Variants in PRICKLE2 observed in about 807,000 individuals in gnomAD.
The protein encoded by PRICKLE2 is prickle-like protein 2.
PRICKLE2 carries 21 observed loss-of-function variants against 81.4 expected under a neutral mutation model. The observed-to-expected ratio is 0.26, with a 90% confidence interval of 0.18 to 0.37. The LOEUF (loss-of-function observed/expected upper bound fraction) is 0.37, where lower values mean the gene tolerates loss of function less well. Ranked by LOEUF, PRICKLE2 falls within the 10% of genes least tolerant of loss-of-function variation. PRICKLE2 has a pLI of 1.00. For synonymous variants in PRICKLE2, 456 were observed against 421.5 expected (o/e 1.08, Z -1.00); for missense variants, 940 against 1,109.0 (o/e 0.85, Z 2.16).
chr3:64,146,931 G>A lies in PRICKLE2; in HGVS notation c.1559C>T (p.Thr520Ile), dbSNP rs1482434429. ...TTTCAGGGAACTGATGGGATGACGG[G>A]TCCGACACTGCTGAGTGGACAAGCC... ...EGGLSTQQCR[T>I]RHPISSLKYT... Residue 520 changes from threonine (T) to isoleucine (I), a missense_variant, in exon 7 of 8, where the codon ACC becomes ATC. By Grantham distance (89) the Thr-to-Ile change is moderately conservative (BLOSUM62 -1). Transcript: ENST00000638394. 3 of 1,614,120 alleles carry A rather than the reference G, an allele frequency of 1.9e-6. No individual in the cohort carries two copies. The highest frequency in any genetic ancestry group is 1.1e-5 in the South Asian group (1 of 91,070).
intron 7 of PRICKLE2, among the ~76,000 whole-genome samples, chr3:64,126,779 C>T (rs540148709): frequency 6.6e-6 from 1 of 152,158 alleles, no homozygotes; most frequent in African/African-American, 2.4e-5. Context: ...GGTTTCACCA[C>T]GTTGGCCAGA....
At chr3:64,107,855 A>G (rs570926522) in intron 7 of PRICKLE2, among the ~76,000 whole-genome samples, 91 of 152,340 alleles carry the variant, frequency 6.0e-4, no homozygotes, top group African/African-American at 2.0e-3. Flanking sequence ...TCTGTGCAGT[A>G]AAGGAAATAG....
intron 2 of PRICKLE2, among the ~76,000 whole-genome samples, chr3:64,164,408 T>C (rs1458003179): frequency 9.9e-5 from 15 of 152,180 alleles, no homozygotes; most frequent in Non-Finnish European, 1.5e-5. Flanking sequence ...CTTGGTCTAA[T>C]TCCTTTGCAT....
At chr3:64,155,142 C>A (rs1196417344) in intron 5 of PRICKLE2, 8 of 82,584 alleles carry the variant, frequency 9.7e-5, no homozygotes, top group African/African-American at 3.2e-4. Context: ...GAGTGAGACT[C>A]TGTCTTAAAA....
chr3:64,187,177 G>A (rs527472977), intron 2 of PRICKLE2, among the ~76,000 whole-genome samples: 1 of 152,290 alleles, frequency 6.6e-6, no homozygotes, highest in African/African-American at 2.4e-5. Flanking sequence ...CCTGAAGCCT[G>A]GGAACCCAGG....
intron 1 of PRICKLE2, among the ~76,000 whole-genome samples, chr3:64,208,386 T>C (rs1226803691): frequency 6.6e-6 from 1 of 152,170 alleles, no homozygotes; most frequent in Non-Finnish European, 1.5e-5. Flanking sequence ...ACACAGGGCT[T>C]CAGCTCCTAC....
intron 1 of PRICKLE2, among the ~76,000 whole-genome samples, chr3:64,208,418 G>A (rs1347347669): frequency 6.6e-6 from 1 of 152,156 alleles, no homozygotes; most frequent in Admixed American, 6.5e-5. Flanking sequence ...CTCGCAAAAG[G>A]GGTAAGCGGA....
chr3:64,196,916 C>T (rs2078465341), intron 2 of PRICKLE2, among the ~76,000 whole-genome samples: 1 of 152,184 alleles, frequency 6.6e-6, no homozygotes, highest in Admixed American at 6.5e-5. Context: ...AAGACATAAA[C>T]TTTTACATGA....
intron 7 of PRICKLE2, among the ~76,000 whole-genome samples, chr3:64,142,663 G>A (rs2077382266): frequency 6.6e-6 from 1 of 152,166 alleles, no homozygotes; most frequent in African/African-American, 2.4e-5. Context: ...CTGGTGGATG[G>A]TGGGAGAAGT....
At chr3:64,208,877 TC>T (rs1038348686) in intron 1 of PRICKLE2, among the ~76,000 whole-genome samples, 4 of 152,144 alleles carry the variant, frequency 2.6e-5, no homozygotes, top group African/African-American at 9.7e-5. Flanking sequence ...GTCAAAATAT[TC>T]CTTCTCTTAT....
rs150903146 is a variant in PRICKLE2, at chr3:64,112,944, C to T, written c.1661-13019G>A. On this transcript the variant is annotated intron_variant, in intron 7 of 7. Coordinates refer to ENST00000638394, the MANE Select transcript of PRICKLE2 (RefSeq NM_198859.4). ...TTTTAACAGATCTTCAGAAGGAGGG[C>T]ACTGAGAATGGATGGAGGCAAGACA... Among the ~76,000 whole-genome samples the T allele has an allele frequency of 4.0e-4, 59 of 147,676 alleles. 1 individual carries two copies. Among genetic ancestry groups the T allele is most frequent in the African/African-American group, 1.5e-3 (58 of 39,880 alleles).
intron 7 of PRICKLE2, among the ~76,000 whole-genome samples, chr3:64,140,518 C>A (rs1217704853): frequency 1.3e-5 from 2 of 152,184 alleles, no homozygotes; most frequent in East Asian, 3.9e-4. Flanking sequence ...TCCACACCAG[C>A]ATCCTTCACC....
At chr3:64,149,372 T>C (rs1056031678) in intron 6 of PRICKLE2, among the ~76,000 whole-genome samples, 1 of 152,204 alleles carries the variant, frequency 6.6e-6, no homozygotes, top group Non-Finnish European at 1.5e-5. Context: ...ACACCTCTCA[T>C]TGCTTTTTCT....
chr3:64,158,162 G>T lies in PRICKLE2; in HGVS notation c.397-797C>A, dbSNP rs924362830. 7.2e-5 allele frequency among the ~76,000 whole-genome samples: 11 copies of T among 152,340 alleles called. No individual in the cohort carries two copies. The East Asian group carries it at 1.2e-3, about 16-fold the overall frequency. Reference sequence around the variant, plus strand: ...TAGGGAGATGCTTCTGCTGACCATGGCATGGGCCTTGAGGTTCACAGGTTG... The same window carrying T: ...TAGGGAGATGCTTCTGCTGACCATGTCATGGGCCTTGAGGTTCACAGGTTG... On this transcript the variant is annotated intron_variant, in intron 4 of 7. Transcript: ENST00000638394.
At chr3:64,140,556 C>T (rs1000748453) in intron 7 of PRICKLE2, among the ~76,000 whole-genome samples, 1 of 152,182 alleles carries the variant, frequency 6.6e-6, no homozygotes, top group African/African-American at 2.4e-5. Flanking sequence ...CTCCAGTTGT[C>T]CTGTGGTGTG....
At chr3:64,251,589 C>T (rs541288681) in intron 2 of PRICKLE2, among the ~76,000 whole-genome samples, 4 of 152,290 alleles carry the variant, frequency 2.6e-5, no homozygotes, top group Admixed American at 2.6e-4. Context: ...TTCCCCTTCA[C>T]ATATTGGTCA....
chr3:64,189,770 G>T (rs933438160), intron 2 of PRICKLE2, among the ~76,000 whole-genome samples: 7 of 152,210 alleles, frequency 4.6e-5, no homozygotes, highest in Non-Finnish European at 1.0e-4. Flanking sequence ...TCACATTTTG[G>T]AAGGTAGTAT....
Position 64,099,295 on chromosome 3 carries a change from C to T in PRICKLE2, c.2291G>A (p.Arg764His). The change falls in exon 8 of 8, where the codon CGC becomes CAC. Residue 764 changes from arginine (R) to histidine (H), a missense_variant. Physicochemically the swap from Arg to His is conservative, Grantham distance 29. Coordinates refer to ENST00000638394, the MANE Select transcript of PRICKLE2 (RefSeq NM_198859.4). The surrounding 1 kb of genome is among the most constrained non-coding windows in gnomAD (Gnocchi z 4.3). Reference sequence around the variant, plus strand: ...ATACTCGGCGAAGTAGGGTCCCCAGCGGTCCCCAAAGGCATTCTGCAAAGC... The same window carrying T: ...ATACTCGGCGAAGTAGGGTCCCCAGTGGTCCCCAAAGGCATTCTGCAAAGC... ...DLALQNAFGD[R>H]WGPYFAEYDW... 2 of 1,614,214 alleles carry T rather than the reference C, an allele frequency of 1.2e-6. No individual in the cohort carries two copies. The highest frequency in any genetic ancestry group is 1.3e-5 in the African/African-American group (1 of 75,058).
At chr3:64,225,686 A>T (rs2079021611), upstream of PRICKLE2, among the ~76,000 whole-genome samples, 1 of 152,130 alleles carries the variant, frequency 6.6e-6, no homozygotes, top group African/African-American at 2.4e-5. Context: ...AAAATCACAT[A>T]TAAGAAGAGA....
Sources: allele counts gnomAD v4.1 joint callset (sites outside exome capture counted in the v4.1 genomes callset), GRCh38; gene constraint gnomAD v4.1.1; non-coding constraint Gnocchi (gnomAD v3.1); transcripts MANE v1.5; gene names NCBI Gene and HGNC (gene_info 2026-07-23, HGNC 2026-07-21).